Variants in MEGF6 observed in about 807,000 individuals in gnomAD.
The protein encoded by MEGF6 is multiple epidermal growth factor-like domains protein 6.
Under a neutral mutation model 207.1 loss-of-function variants are expected in MEGF6, and 184 were observed. The observed-to-expected ratio is 0.89, with a 90% CI of 0.79 to 1.00. The LOEUF is 1.00. Ranked by LOEUF, MEGF6 falls within the 50% of genes least tolerant of loss-of-function variation. The pLI is 0.00. For missense variants in MEGF6, 2,282 were observed against 2,202.9 expected, an observed-to-expected ratio of 1.04 and a Z score of -0.72; for synonymous variants, 1,038 against 910.0, an observed-to-expected ratio of 1.14 and a Z score of -2.53.
At chr1:3,517,429 C>T (rs1641585046) in intron 5 of MEGF6, among the ~76,000 whole-genome samples, 1 of 152,220 alleles carries the variant, frequency 6.6e-6, no homozygotes, top group Non-Finnish European at 1.5e-5. Flanking sequence ...CACTCCAGTC[C>T]ACACAGTTCT....
chr1:3,519,950 C>G (rs1334745906), intron 5 of MEGF6, among the ~76,000 whole-genome samples: 1 of 152,182 alleles, frequency 6.6e-6, no homozygotes, highest in Admixed American at 6.5e-5. Context: ...GCACATGAGT[C>G]CATCCAACTC....
chr1:3,581,514 G>T (rs867240373), intron 3 of MEGF6, among the ~76,000 whole-genome samples: 2 of 152,336 alleles, frequency 1.3e-5, no homozygotes, highest in Middle Eastern at 3.4e-3. Flanking sequence ...GGACCAACCC[G>T]GGGCCCAGTA....
rs539497904 is a variant in MEGF6, at chr1:3,565,550, C to T, written c.481+14275G>A. On this transcript the variant is annotated intron_variant, in intron 4 of 36. Coordinates refer to ENST00000356575, the MANE Select transcript of MEGF6 (RefSeq NM_001409.4). This position sits in a 1 kb window ranked among gnomAD's most constrained non-coding sequence, Gnocchi z 4.8. The stretch of plus-strand genomic sequence containing the variant: ...TGCCTGGCTTGAGAGGAGGACGCTT[C>T]GTGCGGGGCTGCCTGGCCTGGCCCT... Among the ~76,000 whole-genome samples the T allele has an allele frequency of 4.6e-5, 7 of 152,290 alleles. No homozygotes were observed. In the South Asian group the frequency reaches 8.3e-4, roughly 18 times the overall value.
intron 25 of MEGF6, 28 bp from the exon 26 acceptor site, chr1:3,498,527 T>C: frequency 6.5e-7 from 1 of 1,540,188 alleles, no homozygotes; most frequent in Non-Finnish European, 8.8e-7. Flanking sequence ...GGCACGAGGG[T>C]GAGGGTCCTG....
intron 4 of MEGF6, among the ~76,000 whole-genome samples, chr1:3,570,886 C>T (rs921871579): frequency 2.6e-5 from 4 of 152,152 alleles, no homozygotes; most frequent in Non-Finnish European, 4.4e-5. Context: ...AGCCATCCCC[C>T]GGGGCCACCC....
rs1368510016 is a variant in MEGF6, at chr1:3,524,159, C to A, written c.569G>T (p.Gly190Val). 1 of 1,612,772 alleles carries A rather than the reference C, an allele frequency of 6.2e-7. No homozygotes were observed. Among genetic ancestry groups the A allele is most frequent in the South Asian group, 1.1e-5 (1 of 91,072 alleles). ...PGSYLCECKP[G>V]FRLHTDSRTC... ...CCTGCTGTCAGTGTGGAGCCGGAAGCCGGGCTTGCACTCACAGAGGTAGGA... is the reference window on the plus strand; with the variant it reads ...CCTGCTGTCAGTGTGGAGCCGGAAGACGGGCTTGCACTCACAGAGGTAGGA... The change falls in exon 5 of 37, where the codon GGC becomes GTC. Residue 190 changes from glycine to valine, a missense_variant. Physicochemically the swap from Gly to Val is moderately radical, Grantham distance 109. Coordinates refer to ENST00000356575, the MANE Select transcript of MEGF6 (RefSeq NM_001409.4).
Position 3,611,193 on chromosome 1 carries a change from C to T in MEGF6, c.76G>A (p.Val26Met), listed in dbSNP as rs996958294. 2.6e-6 allele frequency: 4 copies of T among 1,551,318 alleles called. No individual in the cohort carries two copies. The highest frequency in any genetic ancestry group is 1.2e-5 in the South Asian group (1 of 86,598). ...LALVLLLLPA[V>M]PVGASVPPRP... ...GGCGGAACGCTGGCGCCCACGGGCA[C>T]GGCGGGGAGCAGCAGCAGCACCAAC... The change falls in exon 1 of 37, where the codon GTG becomes ATG. Residue 26 changes from valine (V) to methionine (M), a missense_variant. Val to Met is a conservative substitution (Grantham distance 21). Coordinates refer to ENST00000356575, the MANE Select transcript of MEGF6 (RefSeq NM_001409.4).
chr1:3,530,126 G>A (rs1642098816), intron 4 of MEGF6, among the ~76,000 whole-genome samples: 1 of 152,238 alleles, frequency 6.6e-6, no homozygotes, highest in South Asian at 2.1e-4. Flanking sequence ...CACTGTGGGT[G>A]GACCTGGCCT....
At chr1:3,500,366 T>C (rs781122834) in intron 21 of MEGF6, among the ~76,000 whole-genome samples, 1 of 152,198 alleles carries the variant, frequency 6.6e-6, no homozygotes, top group Non-Finnish European at 1.5e-5. Flanking sequence ...GGTGGGACCT[T>C]GGTCCAGGCT....
rs374439454 is a variant in MEGF6 at position 3,595,321 on chromosome 1, G to A, written c.376+17C>T. 350 of 1,587,086 alleles carry A rather than the reference G, an allele frequency of 2.2e-4. 2 individuals are homozygous for A. In the African/African-American group the frequency reaches 3.7e-3, roughly 17 times the overall value. On this transcript the variant is annotated intron_variant, in intron 3 of 36. Transcript: ENST00000356575. ...GTGGAGGTGGAGGGAGGGCGGGGAG[G>A]CGCAGGCGGCACTCACCCGAGAGGC... is the stretch of plus-strand genomic sequence containing the variant.
chr1:3,586,388 C>CGT (rs148022094), intron 3 of MEGF6, among the ~76,000 whole-genome samples: 2 of 152,082 alleles, frequency 1.3e-5, no homozygotes, highest in African/African-American at 4.8e-5. Context: ...TGTGCGTATG[C>CGT]GTGTGTGTGT....
In MEGF6 at chr1:3,507,881, CAGG is replaced by C. The variant is rs1557731112; in HGVS notation, c.1700_1702del (p.Ser567del). On this transcript the variant is annotated inframe_deletion, in exon 14 of 37. Coordinates refer to ENST00000356575, the MANE Select transcript of MEGF6 (RefSeq NM_001409.4). ...GCAGGTCCCACCATTCTGACAGCTG[CAGG>C]AGAAGCTGCAGTTCTTCCCAAAGGT... 1 of 1,612,796 alleles carries C rather than the reference CAGG, an allele frequency of 6.2e-7. No individual in the cohort carries two copies. Among genetic ancestry groups the C allele is most frequent in the Admixed American group, 1.7e-5 (1 of 60,012 alleles).
At chr1:3,511,434 G>A in intron 9 of MEGF6, 116 bp downstream of exon 9, 1 of 1,297,584 alleles carries the variant, frequency 7.7e-7, no homozygotes, top group Non-Finnish European at 1.0e-6. Context: ...AGCCAGACCA[G>A]GACTCAGGGA....
intron 4 of MEGF6, among the ~76,000 whole-genome samples, chr1:3,567,740 G>C (rs1035024237): frequency 9.2e-5 from 14 of 152,220 alleles, no homozygotes; most frequent in Non-Finnish European, 1.6e-4. Flanking sequence ...GGGGGGCCTG[G>C]GACGCTGCAG....
At chr1:3,520,334 T>C (rs888259918) in intron 5 of MEGF6, among the ~76,000 whole-genome samples, 1 of 152,220 alleles carries the variant, frequency 6.6e-6, no homozygotes, top group Non-Finnish European at 1.5e-5. Flanking sequence ...CTAGACCACA[T>C]GGGAGCTGCT....
At chr1:3,598,169 C>T (rs1223971604) in intron 2 of MEGF6, among the ~76,000 whole-genome samples, 1 of 152,222 alleles carries the variant, frequency 6.6e-6, no homozygotes, top group Non-Finnish European at 1.5e-5. Context: ...GGATCAAGGG[C>T]CCTTGAGCCT....
At chr1:3,617,269 A>G in the MEGF6 span, among the ~76,000 whole-genome samples, 1 of 151,470 alleles carries the variant, frequency 6.6e-6, no homozygotes, top group Non-Finnish European at 1.5e-5. Flanking sequence ...AACTGTACCT[A>G]CTCCCGCCAC....
At chr1:3,561,559 G>A (rs564807449) in intron 4 of MEGF6, among the ~76,000 whole-genome samples, 2 of 152,318 alleles carry the variant, frequency 1.3e-5, no homozygotes, top group South Asian at 4.1e-4. Context: ...GCACCCCGCA[G>A]GGACAGAGTC....
chr1:3,542,472 C>T lies in MEGF6; in HGVS notation c.482-18226G>A, dbSNP rs149906527. On this transcript the variant is annotated intron_variant, in intron 4 of 36. Transcript: ENST00000356575. The stretch of plus-strand genomic sequence containing the variant: ...CCAGGCCTGGATGTAGGGTCCTGGC[C>T]GCCCCCCACTCAGCCTGATGTGGGA... 2.4e-3 allele frequency among the ~76,000 whole-genome samples: 360 copies of T among 152,242 alleles called. 1 individual carries two copies. The highest frequency in any genetic ancestry group is 8.2e-3 in the African/African-American group (339 of 41,548).
Sources: allele counts gnomAD v4.1 joint callset (sites outside exome capture counted in the v4.1 genomes callset), GRCh38; gene constraint gnomAD v4.1.1; non-coding constraint Gnocchi (gnomAD v3.1); transcripts MANE v1.5; gene names NCBI Gene and HGNC (gene_info 2026-07-23, HGNC 2026-07-21).